TLR4: variants seen among roughly 807,000 people sequenced by gnomAD.
TLR4 encodes the protein toll-like receptor 4.
In TLR4, 17 loss-of-function variants were observed where a neutral mutation model predicts 27.4. The ratio of observed to expected loss-of-function variants is 0.62; its 90% CI spans 0.42 to 0.93. The LOEUF is 0.93. TLR4 is among the 40% of genes least tolerant of loss of function. The pLI is 0.00. For synonymous variants in TLR4, 363 were observed against 365.7 expected, an observed-to-expected ratio of 0.99 and a Z score of 0.08; for missense variants, 926 against 962.3, an observed-to-expected ratio of 0.96 and a Z score of 0.50.
At chr9:117,708,523 A>G in intron 1 of TLR4, 40 bp from the exon 2 acceptor site, 1 of 1,613,054 alleles carries the variant, frequency 6.2e-7, no homozygotes, top group African/African-American at 1.3e-5. Context: ...TTGGGAGACC[A>G]TGCAGTAAAG....
rs868545537 is a variant in TLR4 at position 117,715,638 on chromosome 9, G to A, written c.*990G>A. ...AAACATATGGGCTGATAAACCCGGG[G>A]TGACCTCATGAAATGAGTTGCAGCA... On this transcript the variant is annotated 3_prime_UTR_variant, in exon 3 of 3. Transcript: ENST00000355622. 1 of 152,122 alleles carries A rather than the reference G, an allele frequency of 6.6e-6. No homozygotes were observed. The highest frequency in any genetic ancestry group is 6.5e-5 in the Admixed American group (1 of 15,274). 9.4% of individuals were successfully genotyped at this position (152,122 alleles called of 1,614,324 possible). A position where few individuals can be genotyped will look rare whatever the true frequency, so the allele number is the denominator to read the frequency against.
At position 117,719,868 on chromosome 9, in the gene TLR4, T is replaced by C. The variant is rs1829403081; in HGVS notation, c.*5220T>C. 1 of 152,178 alleles carries C rather than the reference T, an allele frequency of 6.6e-6. No homozygotes were observed. Among genetic ancestry groups the C allele is most frequent in the African/African-American group, 2.4e-5 (1 of 41,452 alleles). 9.4% of individuals were successfully genotyped at this position (152,178 alleles called of 1,614,324 possible). A position where few individuals can be genotyped will look rare whatever the true frequency, so the allele number is the denominator to read the frequency against. On this transcript the variant is annotated 3_prime_UTR_variant, in exon 3 of 3. Coordinates refer to ENST00000355622, the MANE Select transcript of TLR4 (RefSeq NM_138554.5). Reference sequence around the variant, plus strand: ...ATGGTCGATCAAAAGGAACCAACTATATTGAGCACCATGCGTGATCATCTG... The same window carrying C: ...ATGGTCGATCAAAAGGAACCAACTACATTGAGCACCATGCGTGATCATCTG...
rs764038757 is a variant in TLR4 at position 117,714,015 on chromosome 9, G to A, written c.1887G>A (p.Met629Ile). 1 of 1,613,938 alleles carries A rather than the reference G, an allele frequency of 6.2e-7. No homozygotes were observed. The highest frequency in any genetic ancestry group is 8.5e-7 in the Non-Finnish European group (1 of 1,179,964). Reference protein sequence around the residue: ...PVLSLNITCQMNKTIIGVSVL... With the variant: ...PVLSLNITCQINKTIIGVSVL... ...TGAGTTTGAATATCACCTGTCAGAT[G>A]AATAAGACCATCATTGGTGTGTCGG... is the stretch of plus-strand genomic sequence containing the variant. The change falls in exon 3 of 3, where the codon ATG becomes ATA. Residue 629 changes from methionine to isoleucine, a missense_variant. Transcript: ENST00000355622.
Position 117,719,897 on chromosome 9 carries a change from G to A in TLR4, c.*5249G>A, listed in dbSNP as rs905651682. The A allele has an allele frequency of 3.9e-5, 6 of 152,242 alleles. No homozygotes were observed. The highest frequency in any genetic ancestry group is 2.1e-4 in the South Asian group (1 of 4,822). The allele number at this position is 152,242 out of a possible 1,614,324, so 9.4% of individuals were successfully genotyped here. Reference sequence around the variant, plus strand: ...GAGCACCATGCGTGATCATCTGATCGTTACTGCTACCTTGTGAGTTAAAGG... The same window carrying A: ...GAGCACCATGCGTGATCATCTGATCATTACTGCTACCTTGTGAGTTAAAGG... On this transcript the variant is annotated 3_prime_UTR_variant, in exon 3 of 3. Transcript: ENST00000355622.
chr9:117,706,380 G>T (rs1241750146), intron 1 of TLR4, among the ~76,000 whole-genome samples: 4 of 151,812 alleles, frequency 2.6e-5, no homozygotes, highest in African/African-American at 9.7e-5. Context: ...TTATATTTTT[G>T]TTTGTTTATT....
chr9:117,708,888 C>T, intron 2 of TLR4, 159 bp downstream of exon 2: 2 of 864,008 alleles, frequency 2.3e-6, no homozygotes, highest in Middle Eastern at 3.1e-4. Flanking sequence ...GAGCAAGCTA[C>T]CTCTATTCTC....
At chr9:117,709,944 A>G (rs1390335539) in intron 2 of TLR4, among the ~76,000 whole-genome samples, 1 of 152,064 alleles carries the variant, frequency 6.6e-6, no homozygotes, top group Non-Finnish European at 1.5e-5. Flanking sequence ...TATCTGATCA[A>G]TGGAAATGAT....
At position 117,713,540 on chromosome 9, in the gene TLR4, C is replaced by G. The variant is rs746973415; in HGVS notation, c.1412C>G (p.Ser471Cys). Reference sequence around the variant, plus strand: ...TTCAATGGCATCTTCAATGGCTTGTCCAGTCTCGAAGTCTTGAAAATGGCT... The same window carrying G: ...TTCAATGGCATCTTCAATGGCTTGTGCAGTCTCGAAGTCTTGAAAATGGCT... ...VAFNGIFNGL[S>C]SLEVLKMAGN... is the part of the protein sequence containing the mutation. Residue 471 changes from serine (S) to cysteine (C), a missense_variant, in exon 3 of 3, where the codon TCC (serine) becomes TGC (cysteine). Coordinates refer to ENST00000355622, the MANE Select transcript of TLR4 (RefSeq NM_138554.5). The G allele has an allele frequency of 1.9e-6, 3 of 1,613,934 alleles. No individual in the cohort carries two copies. Among genetic ancestry groups the G allele is most frequent in the African/African-American group, 1.3e-5 (1 of 74,926 alleles).
chr9:117,704,587 C>T (rs200346763), intron 1 of TLR4, 22 bp downstream of exon 1: 83 of 1,606,384 alleles, frequency 5.2e-5, no homozygotes, highest in African/African-American at 8.0e-5. Flanking sequence ...GAGTCAGCTC[C>T]TCTGAACTTT....
Position 117,722,402 on chromosome 9 carries a change from G to A in TLR4, c.*7754G>A, listed in dbSNP as rs1401913356. 6.6e-6 allele frequency: 1 copy of A among 152,180 alleles called. No homozygotes were observed. Among genetic ancestry groups the A allele is most frequent in the Non-Finnish European group, 1.5e-5 (1 of 68,048 alleles). The allele number at this position is 152,180 out of a possible 1,614,324, so 9.4% of individuals were successfully genotyped here. A position where few individuals can be genotyped will look rare whatever the true frequency, so the allele number is the denominator to read the frequency against. On this transcript the variant is annotated 3_prime_UTR_variant, in exon 3 of 3. Coordinates refer to ENST00000355622, the MANE Select transcript of TLR4 (RefSeq NM_138554.5). ...TAAGCTGAGACCCTGAGTCTTCTGA[G>A]GAGTCTACTGCTCCCCAGTGGGAAA...
Position 117,713,643 on chromosome 9 carries a change from G to T in TLR4, c.1515G>T (p.Gln505His). ...LRNLTFLDLS[Q>H]CQLEQLSPTA... Reference sequence around the variant, plus strand: ...ACTTGACCTTCCTGGACCTCTCTCAGTGTCAACTGGAGCAGTTGTCTCCAA... The same window carrying T: ...ACTTGACCTTCCTGGACCTCTCTCATTGTCAACTGGAGCAGTTGTCTCCAA... The change falls in exon 3 of 3, where the codon CAG becomes CAT. Residue 505 changes from glutamine to histidine, a missense_variant. Coordinates refer to ENST00000355622, the MANE Select transcript of TLR4 (RefSeq NM_138554.5). 1.2e-6 allele frequency: 2 copies of T among 1,614,044 alleles called. No homozygotes were observed. The highest frequency in any genetic ancestry group is 1.7e-6 in the Non-Finnish European group (2 of 1,180,008).
chr9:117,713,612 T>C lies in TLR4; in HGVS notation c.1484T>C (p.Leu495Pro). The C allele has an allele frequency of 6.2e-7, 1 of 1,614,090 alleles. No homozygotes were observed. The highest frequency in any genetic ancestry group is 8.5e-7 in the Non-Finnish European group (1 of 1,180,004). Residue 495 changes from leucine (L) to proline (P), a missense_variant, in exon 3 of 3, where the codon CTG becomes CCG. Coordinates refer to ENST00000355622, the MANE Select transcript of TLR4 (RefSeq NM_138554.5). ...TTCCTTCCAGATATCTTCACAGAGCTGAGAAACTTGACCTTCCTGGACCTC... is the reference window on the plus strand; with the variant it reads ...TTCCTTCCAGATATCTTCACAGAGCCGAGAAACTTGACCTTCCTGGACCTC... The part of the protein sequence containing the change: ...ENFLPDIFTE[L>P]RNLTFLDLSQ...
chr9:117,712,825 T>C lies in TLR4; in HGVS notation c.697T>C (p.Leu233=), dbSNP rs1247439675. The C allele has an allele frequency of 6.2e-7, 1 of 1,613,990 alleles. No individual in the cohort carries two copies. The highest frequency in any genetic ancestry group is 1.1e-5 in the South Asian group (1 of 91,076). The change falls in exon 3 of 3, where the codon TTA becomes CTA. Residue 233 remains leucine (L), a synonymous_variant. Transcript: ENST00000355622. ...FKEIRLHKLT[L]RNNFDSLNVM... Reference sequence around the variant, plus strand: ...AGAAATTAGGCTTCATAAGCTGACTTTAAGAAATAATTTTGATAGTTTAAA... The same window carrying C: ...AGAAATTAGGCTTCATAAGCTGACTCTAAGAAATAATTTTGATAGTTTAAA...
rs1022795490 is a variant in TLR4, at chr9:117,724,391, A to G, written c.*9743A>G. The G allele has an allele frequency of 6.6e-6, 1 of 152,074 alleles. No individual in the cohort carries two copies. The highest frequency in any genetic ancestry group is 1.5e-5 in the Non-Finnish European group (1 of 68,036). 9.4% of individuals were successfully genotyped at this position (152,074 alleles called of 1,614,324 possible). A position where few individuals can be genotyped will look rare whatever the true frequency, so the allele number is the denominator to read the frequency against. On this transcript the variant is annotated 3_prime_UTR_variant, in exon 3 of 3. Coordinates refer to ENST00000355622, the MANE Select transcript of TLR4 (RefSeq NM_138554.5). ...CCTTTGCATTTTCTTATTGTGCACT[A>G]AGTTAGTTCTTGCTTAGTAAGTCTT...
Position 117,714,143 on chromosome 9 carries a change from A to T in TLR4, c.2015A>T (p.Asn672Ile). The change falls in exon 3 of 3, where the codon AAC becomes ATC. Residue 672 changes from asparagine to isoleucine, a missense_variant. Coordinates refer to ENST00000355622, the MANE Select transcript of TLR4 (RefSeq NM_138554.5). Reference sequence around the variant, plus strand: ...TGCATAAAGTATGGTAGAGGTGAAAACATCTATGATGCCTTTGTTATCTAC... The same window carrying T: ...TGCATAAAGTATGGTAGAGGTGAAATCATCTATGATGCCTTTGTTATCTAC... ...AGCIKYGRGE[N>I]IYDAFVIYSS... 6.2e-7 allele frequency: 1 copy of T among 1,614,002 alleles called. No homozygotes were observed. Among genetic ancestry groups the T allele is most frequent in the South Asian group, 1.1e-5 (1 of 91,062 alleles).
In TLR4 at chr9:117,711,640, T is replaced by C. The variant is rs1829232959; in HGVS notation, c.261-749T>C. The stretch of plus-strand genomic sequence containing the variant: ...TTTTTTCTGTCAACCTTGGGGCTTT[T>C]GTGTTTGCTGTTCACTTCACCTCCT... On this transcript the variant is annotated intron_variant, in intron 2 of 2. Transcript: ENST00000355622. 2.0e-5 allele frequency among the ~76,000 whole-genome samples: 3 copies of C among 152,196 alleles called. No homozygotes were observed. In the South Asian group the frequency reaches 6.2e-4, roughly 32 times the overall value.
chr9:117,713,656 C>T lies in TLR4; in HGVS notation c.1528C>T (p.Gln510Ter), dbSNP rs1467460354. The T allele has an allele frequency of 6.2e-7, 1 of 1,613,914 alleles. No homozygotes were observed. Among genetic ancestry groups the T allele is most frequent in the Non-Finnish European group, 8.5e-7 (1 of 1,180,026 alleles). ...GGACCTCTCTCAGTGTCAACTGGAGCAGTTGTCTCCAACAGCATTTAACTC... is the reference window on the plus strand; with the variant it reads ...GGACCTCTCTCAGTGTCAACTGGAGTAGTTGTCTCCAACAGCATTTAACTC... ...FLDLSQCQLEQLSPTAFNSLS... is the reference protein window; with the variant it reads ...FLDLSQCQLE The change falls in exon 3 of 3, where the codon CAG becomes TAG. Residue 510 changes from glutamine to a stop codon, truncating the protein, a stop_gained. Coordinates refer to ENST00000355622, the MANE Select transcript of TLR4 (RefSeq NM_138554.5). LOFTEE classifies it low-confidence loss of function (END_TRUNC).
rs199885534 is a variant in TLR4, at chr9:117,712,954, G to T, written c.826G>T (p.Ala276Ser). 4.0e-5 allele frequency: 64 copies of T among 1,614,004 alleles called. No homozygotes were observed. The highest frequency in any genetic ancestry group is 5.2e-5 in the Non-Finnish European group (61 of 1,180,000). ...EGNLEKFDKS[A>S]LEGLCNLTIE... Reference sequence around the variant, plus strand: ...AAACTTGGAAAAGTTTGACAAATCTGCTCTAGAGGGCCTGTGCAATTTGAC... The same window carrying T: ...AAACTTGGAAAAGTTTGACAAATCTTCTCTAGAGGGCCTGTGCAATTTGAC... Residue 276 changes from alanine to serine, a missense_variant, in exon 3 of 3, where the codon GCT becomes TCT. Physicochemically the swap from Ala to Ser is moderately conservative, Grantham distance 99 (BLOSUM62 1). Coordinates refer to ENST00000355622, the MANE Select transcript of TLR4 (RefSeq NM_138554.5).
At position 117,721,013 on chromosome 9, in the gene TLR4, ACTTCATGT is replaced by A. The variant is rs943975176; in HGVS notation, c.*6368_*6375del. 6 of 152,184 alleles carry A rather than the reference ACTTCATGT, an allele frequency of 3.9e-5. No individual in the cohort carries two copies. Among genetic ancestry groups the A allele is most frequent in the Non-Finnish European group, 8.8e-5 (6 of 68,034 alleles). 9.4% of individuals were successfully genotyped at this position (152,184 alleles called of 1,614,324 possible). A position where few individuals can be genotyped will look rare whatever the true frequency, so the allele number is the denominator to read the frequency against. Reference sequence around the variant, plus strand: ...AAAAAAACTATTTAAAAAAAAGACAACTTCATGTCTCTACTCTGACTTCATTCTTTTTA... The same window carrying A: ...AAAAAAACTATTTAAAAAAAAGACAACTCTACTCTGACTTCATTCTTTTTA... On this transcript the variant is annotated 3_prime_UTR_variant, in exon 3 of 3. Transcript: ENST00000355622.
Sources: allele counts gnomAD v4.1 joint callset (sites outside exome capture counted in the v4.1 genomes callset), GRCh38; gene constraint gnomAD v4.1.1; transcripts MANE v1.5; gene names NCBI Gene and HGNC (gene_info 2026-07-23, HGNC 2026-07-21).